The following STOX2 variants were observed in gnomAD, a reference collection of about 807,000 sequenced individuals.
STOX2 encodes the protein storkhead box 2.
In STOX2, 28 loss-of-function variants were observed where a neutral mutation model predicts 60.9. The ratio of observed to expected loss-of-function variants is 0.46; its 90% confidence interval spans 0.34 to 0.63. STOX2 has a LOEUF of 0.63. Ranked by LOEUF, STOX2 falls within the 30% of genes least tolerant of loss-of-function variation. STOX2 has a pLI of 0.01. For synonymous variants in STOX2, 472 were observed against 463.9 expected (o/e 1.02, Z -0.22); for missense variants, 1,024 against 1,187.7 (o/e 0.86, Z 2.03).
intron 2 of STOX2, among the ~76,000 whole-genome samples, chr4:184,005,218 G>A (rs796196734): frequency 5.3e-5 from 8 of 152,302 alleles, no homozygotes; most frequent in African/African-American, 1.9e-4. Flanking sequence ...CCAGCAATTT[G>A]GGAGGCCGAG....
At chr4:183,931,445 A>G (rs1256917246) in intron 1 of STOX2, among the ~76,000 whole-genome samples, 1 of 151,980 alleles carries the variant, frequency 6.6e-6, no homozygotes, top group Non-Finnish European at 1.5e-5. Context: ...CCACCAAAAA[A>G]ACTGTGGAGC....
At chr4:183,994,800 T>A (rs993530135) in intron 1 of STOX2, among the ~76,000 whole-genome samples, 4 of 152,212 alleles carry the variant, frequency 2.6e-5, no homozygotes, top group Non-Finnish European at 5.9e-5. Flanking sequence ...CTTAAGTGGG[T>A]TGTTTTGGTA....
chr4:183,959,952 GA>G (rs929613668), intron 1 of STOX2, among the ~76,000 whole-genome samples: 13 of 149,298 alleles, frequency 8.7e-5, no homozygotes, highest in Non-Finnish European at 4.5e-5. Context: ...AGCTCCATTG[GA>G]AAAAAAAATA....
At chr4:183,817,452 C>T (rs908336058) in intron 1 of STOX2, among the ~76,000 whole-genome samples, 8 of 151,940 alleles carry the variant, frequency 5.3e-5, no homozygotes, top group East Asian at 1.9e-4. Flanking sequence ...ATTTTTGGAT[C>T]GCCAGGGAAA....
At chr4:183,873,908 C>T (rs994650667) in intron 1 of STOX2, among the ~76,000 whole-genome samples, 5 of 152,140 alleles carry the variant, frequency 3.3e-5, no homozygotes, top group East Asian at 1.9e-4. Flanking sequence ...GACTCTGAAA[C>T]GACACCTCCA....
At chr4:183,890,106 C>T (rs1288212673) in intron 1 of STOX2, among the ~76,000 whole-genome samples, 1 of 152,154 alleles carries the variant, frequency 6.6e-6, no homozygotes, top group African/African-American at 2.4e-5. Flanking sequence ...CTGCGCATAC[C>T]ATTAAGCTAG....
In STOX2 at chr4:184,009,390, C is replaced by T. The variant is rs1734035446; in HGVS notation, c.552C>T (p.Gly184=). 6.2e-7 allele frequency: 1 copy of T among 1,614,034 alleles called. No homozygotes were observed. The highest frequency in any genetic ancestry group is 8.5e-7 in the Non-Finnish European group (1 of 1,179,874). Residue 184 remains glycine, a synonymous_variant, in exon 3 of 4, where the codon GGC becomes GGT. Coordinates refer to ENST00000308497, the MANE Select transcript of STOX2 (RefSeq NM_020225.3). This position sits in a 1 kb window ranked among gnomAD's most constrained non-coding sequence, Gnocchi z 4.0. ...QPGTITPSAS[G]CVRERTLPRN... Reference sequence around the variant, plus strand: ...GGACCATCACGCCCTCTGCCTCAGGCTGTGTCAGGGAAAGGACATTGCCCC... The same window carrying T: ...GGACCATCACGCCCTCTGCCTCAGGTTGTGTCAGGGAAAGGACATTGCCCC...
chr4:183,943,325 C>A (rs1376765024), intron 1 of STOX2, among the ~76,000 whole-genome samples: 1 of 152,022 alleles, frequency 6.6e-6, no homozygotes, highest in Non-Finnish European at 1.5e-5. Context: ...ACACCTTTTT[C>A]ATGTAGAGGC....
intron 1 of STOX2, among the ~76,000 whole-genome samples, chr4:183,942,304 A>ATT (rs1256119195): frequency 4.0e-5 from 6 of 148,868 alleles, no homozygotes; most frequent in South Asian, 2.1e-4. Context: ...ACACATTTGC[A>ATT]TTATATATAT....
Position 184,011,609 on chromosome 4 carries a change from A to G in STOX2, c.2585+186A>G, listed in dbSNP as rs1414143949. 1 of 1,525,326 alleles carries G rather than the reference A, an allele frequency of 6.6e-7. No individual in the cohort carries two copies. Among genetic ancestry groups the G allele is most frequent in the East Asian group, 2.5e-5 (1 of 40,058 alleles). 94.5% of individuals were successfully genotyped at this position (1,525,326 alleles called of 1,614,324 possible). Reference sequence around the variant, plus strand: ...CAGGAATTGAAAAAAATGTTTCTGCACCTGTAGAGATCACCAATCTGGACT... The same window carrying G: ...CAGGAATTGAAAAAAATGTTTCTGCGCCTGTAGAGATCACCAATCTGGACT... On this transcript the variant is annotated intron_variant, in intron 3 of 3. Transcript: ENST00000308497. This position sits in a 1 kb window ranked among gnomAD's most constrained non-coding sequence, Gnocchi z 4.4.
At chr4:183,850,900 GA>G (rs1740105454) in intron 1 of STOX2, among the ~76,000 whole-genome samples, 1 of 38,976 alleles carries the variant, frequency 2.6e-5, no homozygotes, top group Non-Finnish European at 7.7e-5. Context: ...GAGAAACGAT[GA>G]GGGAAAGGAT....
intron 1 of STOX2, among the ~76,000 whole-genome samples, chr4:183,895,883 A>G (rs1007957283): frequency 6.6e-6 from 1 of 152,206 alleles, no homozygotes; most frequent in Non-Finnish European, 1.5e-5. Context: ...CTGTTGTTAT[A>G]TAAACAGGAC....
chr4:183,889,652 A>G (rs1055869219), intron 1 of STOX2, among the ~76,000 whole-genome samples: 8 of 152,208 alleles, frequency 5.3e-5, no homozygotes, highest in African/African-American at 1.9e-4. Context: ...TTCTGCAGCA[A>G]CTTCGAGTCA....
intron 1 of STOX2, among the ~76,000 whole-genome samples, chr4:183,815,837 A>G (rs1304101907): frequency 1.3e-5 from 2 of 152,240 alleles, no homozygotes; most frequent in Non-Finnish European, 2.9e-5. Context: ...AAAAGTGTCT[A>G]TTTTCAGGAA....
chr4:183,840,049 T>C (rs1357838214), intron 1 of STOX2, among the ~76,000 whole-genome samples: 4 of 151,326 alleles, frequency 2.6e-5, no homozygotes, highest in South Asian at 2.1e-4. Flanking sequence ...TGTGTGTGTG[T>C]GCGCGTGTGT....
intron 2 of STOX2, among the ~76,000 whole-genome samples, chr4:184,002,500 T>C (rs1733635153): frequency 6.6e-6 from 1 of 152,216 alleles, no homozygotes; most frequent in Non-Finnish European, 1.5e-5. Flanking sequence ...CATTCATGCC[T>C]CTGTGGGTTC....
rs1321300432 is a variant in STOX2 at position 183,932,334 on chromosome 4, AC to A, written c.166+25379del. Among the ~76,000 whole-genome samples the A allele has an allele frequency of 1.3e-4, 4 of 30,658 alleles. 1 individual carries two copies. The highest frequency in any genetic ancestry group is 6.8e-4 in the East Asian group (2 of 2,940). The allele number at this position is 30,658 out of a possible 152,430, so 20.1% of individuals were successfully genotyped here. On this transcript the variant is annotated intron_variant, in intron 1 of 3. Transcript: ENST00000308497. The stretch of plus-strand genomic sequence containing the variant: ...ACATACAGTATATGTATGTATACAT[AC>A]AGTATATGTATGTATACATACAGTA...
chr4:183,913,643 T>C (rs927951957), intron 1 of STOX2, among the ~76,000 whole-genome samples: 1 of 152,080 alleles, frequency 6.6e-6, no homozygotes, highest in African/African-American at 2.4e-5. Context: ...TGGTGGCGCG[T>C]GCCTGTAATC....
intron 1 of STOX2, among the ~76,000 whole-genome samples, chr4:183,826,035 A>T (rs1739423427): frequency 6.6e-6 from 1 of 152,152 alleles, no homozygotes; most frequent in Admixed American, 6.5e-5. Flanking sequence ...TTTTTAGTGC[A>T]CAACAGACTC....
Sources: allele counts gnomAD v4.1 joint callset (sites outside exome capture counted in the v4.1 genomes callset), GRCh38; gene constraint gnomAD v4.1.1; non-coding constraint Gnocchi (gnomAD v3.1); transcripts MANE v1.5; gene names NCBI Gene and HGNC (gene_info 2026-07-23, HGNC 2026-07-21).